Variants in PTPRD observed in about 807,000 individuals in gnomAD.
PTPRD encodes receptor-type tyrosine-protein phosphatase delta.
In PTPRD, 34 loss-of-function variants were observed where a neutral mutation model predicts 214.5. That is an observed-to-expected ratio of 0.16 (90% CI 0.12 to 0.21). PTPRD has a LOEUF of 0.21. PTPRD is among the 10% of genes least tolerant of loss of function. The pLI, the probability that PTPRD is intolerant of heterozygous loss-of-function variation, is 1.00. For missense variants in PTPRD, 2,545 were observed against 2,398.7 expected (o/e 1.06, Z -1.27); for synonymous variants, 1,128 against 845.7 (o/e 1.33, Z -5.79).
At chr9:9,947,544 AT>A (rs1566623066) in intron 4 of PTPRD, among the ~76,000 whole-genome samples, 54 of 35,940 alleles carry the variant, frequency 1.5e-3, no homozygotes, top group African/African-American at 8.1e-3. Context: ...TATATATAAT[AT>A]ATATATTATA....
Position 9,398,664 on chromosome 9 carries a change from T to G in PTPRD, c.-236-1182A>C, listed in dbSNP as rs73641497. ...ATTGATAAATGATTTTTAGAAAAAT[T>G]CTTTAAGACTTTTTCAATCATATGG... On this transcript the variant is annotated intron_variant, in intron 8 of 45. Coordinates refer to ENST00000381196, the MANE Select transcript of PTPRD (RefSeq NM_002839.4). Among the ~76,000 whole-genome samples the G allele has an allele frequency of 5.5e-3, 840 of 152,104 alleles. 10 individuals carry two copies. The highest frequency in any genetic ancestry group is 0.018 in the African/African-American group (759 of 41,528).
intron 11 of PTPRD, among the ~76,000 whole-genome samples, chr9:8,994,050 G>C (rs1314720463): frequency 6.6e-6 from 1 of 152,054 alleles, no homozygotes; most frequent in Non-Finnish European, 1.5e-5. Flanking sequence ...CCACAATGTA[G>C]GATTTAAGCA....
intron 5 of PTPRD, among the ~76,000 whole-genome samples, chr9:9,825,011 G>C (rs1041621273): frequency 6.6e-6 from 1 of 151,982 alleles, no homozygotes; most frequent in Non-Finnish European, 1.5e-5. Context: ...ATCCATCTGA[G>C]TGTCAGTTTC....
chr9:9,670,289 G>A (rs531173113), intron 7 of PTPRD, among the ~76,000 whole-genome samples: 2 of 152,192 alleles, frequency 1.3e-5, no homozygotes, highest in South Asian at 2.1e-4. Flanking sequence ...TATGGTATCT[G>A]GCAGAAGTAA....
At chr9:10,288,802 T>G (rs903995903) in intron 3 of PTPRD, among the ~76,000 whole-genome samples, 1 of 136,058 alleles carries the variant, frequency 7.3e-6, no homozygotes, top group African/African-American at 3.1e-5. Context: ...AATTGGAAAA[T>G]TAAAAACTTT....
chr9:8,775,013 T>C (rs1434599731), intron 11 of PTPRD, among the ~76,000 whole-genome samples: 1 of 152,184 alleles, frequency 6.6e-6, no homozygotes, highest in Non-Finnish European at 1.5e-5. Flanking sequence ...GAACAATTTT[T>C]GATCGGGCGC....
chr9:8,361,363 A>T (rs1381350736), intron 39 of PTPRD, among the ~76,000 whole-genome samples: 1 of 152,218 alleles, frequency 6.6e-6, no homozygotes, highest in Non-Finnish European at 1.5e-5. Context: ...CTGCAAGCCA[A>T]ATGTTGCTAA....
chr9:9,826,919 T>C (rs2053084954), intron 5 of PTPRD, among the ~76,000 whole-genome samples: 1 of 151,740 alleles, frequency 6.6e-6, no homozygotes, highest in South Asian at 2.1e-4. Context: ...TCAAAGAAAA[T>C]AAAATATCTA....
chr9:10,015,692 G>C (rs1046945330), intron 4 of PTPRD, among the ~76,000 whole-genome samples: 7 of 152,128 alleles, frequency 4.6e-5, no homozygotes, highest in African/African-American at 7.2e-5. Flanking sequence ...GAAAAAGAAC[G>C]AGAAGGAAGA....
At chr9:9,525,925 C>T (rs991343047) in intron 8 of PTPRD, among the ~76,000 whole-genome samples, 2 of 151,974 alleles carry the variant, frequency 1.3e-5, no homozygotes, top group Admixed American at 6.6e-5. Flanking sequence ...AAAACATTGC[C>T]TCACTCTAGA....
At chr9:10,001,616 G>A (rs1173178133) in intron 4 of PTPRD, among the ~76,000 whole-genome samples, 1 of 152,058 alleles carries the variant, frequency 6.6e-6, no homozygotes, top group East Asian at 1.9e-4. Flanking sequence ...AAGCACTGAA[G>A]AAAAAGACTA....
rs530447756 is a variant in PTPRD at position 9,654,114 on chromosome 9, G to A, written c.-286-79333C>T. Among the ~76,000 whole-genome samples the A allele has an allele frequency of 2.6e-5, 4 of 152,158 alleles. No homozygotes were observed. In the East Asian group the frequency reaches 7.7e-4, roughly 29 times the overall value. On this transcript the variant is annotated intron_variant, in intron 7 of 45. Coordinates refer to ENST00000381196, the MANE Select transcript of PTPRD (RefSeq NM_002839.4). The stretch of plus-strand genomic sequence containing the variant: ...GGTTCTGATAATTCATTCTTACAAA[G>A]GAGTACACTTTTATCCAACCCAGGC...
At chr9:10,262,833 G>T (rs1194425611) in intron 3 of PTPRD, among the ~76,000 whole-genome samples, 1 of 152,136 alleles carries the variant, frequency 6.6e-6, no homozygotes, top group African/African-American at 2.4e-5. Flanking sequence ...GTGTGATATG[G>T]TTTGGCTGTC....
At chr9:10,141,968 C>T (rs971909127) in intron 3 of PTPRD, among the ~76,000 whole-genome samples, 25 of 152,016 alleles carry the variant, frequency 1.6e-4, no homozygotes, top group African/African-American at 4.6e-4. Context: ...GAAATAAGGC[C>T]GCATATCTAC....
At chr9:8,483,974 C>T (rs929326504) in intron 30 of PTPRD, 145 bp downstream of exon 30, 30 of 1,039,542 alleles carry the variant, frequency 2.9e-5, no homozygotes, top group Admixed American at 1.0e-4. Context: ...TAAAAGAACT[C>T]GGATAGCAAA....
rs971908320 is a variant in PTPRD, at chr9:10,379,248, T to TTG, written c.-599-38233_-599-38232dup. On this transcript the variant is annotated intron_variant, in intron 2 of 45. Coordinates refer to ENST00000381196, the MANE Select transcript of PTPRD (RefSeq NM_002839.4). ...TGTTTGTTAGTTCTAATAGTTTTTT[T>TTG]TGTGTGTGTGTGTGTGTGTAGTCAT... is the stretch of plus-strand genomic sequence containing the variant. Among the ~76,000 whole-genome samples, 232 of 151,048 alleles carry TTG rather than the reference T, an allele frequency of 1.5e-3. 1 individual carries two copies. The highest frequency in any genetic ancestry group is 7.5e-3 in the Admixed American group (114 of 15,108).
At chr9:10,508,993 A>T (rs996001827) in intron 2 of PTPRD, among the ~76,000 whole-genome samples, 2 of 152,040 alleles carry the variant, frequency 1.3e-5, no homozygotes, top group African/African-American at 4.8e-5. Context: ...TATAATGTCG[A>T]TATGTGTTTT....
intron 12 of PTPRD, among the ~76,000 whole-genome samples, chr9:8,692,147 G>A (rs1480737243): frequency 6.6e-6 from 1 of 152,088 alleles, no homozygotes; most frequent in Non-Finnish European, 1.5e-5. Context: ...CACTTACATA[G>A]ATTAGTAATA....
chr9:9,099,317 T>C (rs1285164691), intron 10 of PTPRD, among the ~76,000 whole-genome samples: 1 of 152,200 alleles, frequency 6.6e-6, no homozygotes, highest in Non-Finnish European at 1.5e-5. Flanking sequence ...TCTATAAATA[T>C]ATACAGAGAG....
Sources: gnomAD v4.1 joint callset for allele counts (sites outside exome capture counted in the v4.1 genomes callset) on GRCh38, gnomAD v4.1.1 for gene constraint, MANE v1.5 for transcripts, NCBI Gene and HGNC (gene_info 2026-07-23, HGNC 2026-07-21) for gene names.